VANGL2: variants seen among roughly 807,000 people sequenced by gnomAD.
VANGL2 encodes vang-like protein 2.
VANGL2 carries 14 observed loss-of-function variants against 50.2 expected under a neutral mutation model. That is an observed-to-expected ratio of 0.28 (90% confidence interval 0.18 to 0.44). The LOEUF (loss-of-function observed/expected upper bound fraction) is 0.44. Ranked by LOEUF, VANGL2 falls within the 20% of genes least tolerant of loss-of-function variation. The pLI is 1.00. For synonymous variants in VANGL2, 295 were observed against 297.2 expected, an observed-to-expected ratio of 0.99 and a Z score of 0.08; for missense variants, 533 against 701.5, an observed-to-expected ratio of 0.76 and a Z score of 2.71.
chr1:160,420,545 A>T lies in VANGL2; in HGVS notation c.935A>T (p.Glu312Val). Residue 312 changes from glutamate (E) to valine (V), a missense_variant and splice_region_variant, in exon 5 of 8, where the codon GAG becomes GTG. Physicochemically the swap from Glu to Val is moderately radical, Grantham distance 121. Coordinates refer to ENST00000368061, the MANE Select transcript of VANGL2 (RefSeq NM_020335.3). ...GGCTTCAAGGTGTATTCCCTCGGAG[A>T]GGGTGAGCAGCCCTGCTCCTCTGCC... The part of the protein sequence containing the change: ...VSGFKVYSLG[E>V]ENSTNNSTGQ... 1.2e-6 allele frequency: 2 copies of T among 1,614,038 alleles called. No individual in the cohort carries two copies. Among genetic ancestry groups the T allele is most frequent in the Non-Finnish European group, 1.7e-6 (2 of 1,180,006 alleles).
chr1:160,421,648 A>C (rs1239298652), intron 6 of VANGL2, among the ~76,000 whole-genome samples: 1 of 152,196 alleles, frequency 6.6e-6, no homozygotes, highest in Non-Finnish European at 1.5e-5. Flanking sequence ...TCAGGCCCTA[A>C]AGGACAGTCT....
At position 160,419,339 on chromosome 1, in the gene VANGL2, G is replaced by A. The variant is rs1314974864; in HGVS notation, c.530G>A (p.Arg177His). ...CGCCGGCCCAAGGCCTCGCTGCCCCGCGTCTTTGTGCTGCGTGCCCTGCTT... is the reference window on the plus strand; with the variant it reads ...CGCCGGCCCAAGGCCTCGCTGCCCCACGTCTTTGTGCTGCGTGCCCTGCTT... Reference protein sequence around the residue: ...FFRRPKASLPRVFVLRALLMV... With the variant: ...FFRRPKASLPHVFVLRALLMV... Residue 177 changes from arginine to histidine, a missense_variant, in exon 4 of 8, where the codon CGC becomes CAC. Transcript: ENST00000368061. The surrounding 1 kb of genome is among the most constrained non-coding windows in gnomAD (Gnocchi z 5.8). 3.7e-6 allele frequency: 6 copies of A among 1,610,670 alleles called. No homozygotes were observed. The highest frequency in any genetic ancestry group is 3.4e-6 in the Non-Finnish European group (4 of 1,180,004).
intron 1 of VANGL2, among the ~76,000 whole-genome samples, chr1:160,405,675 G>A (rs375934614): frequency 1.3e-5 from 2 of 152,148 alleles, no homozygotes; most frequent in East Asian, 3.9e-4. Context: ...TGGGAGGCTT[G>A]GGGCCTCCTT....
Position 160,415,817 on chromosome 1 carries a change from A to G in VANGL2, c.-21A>G. On this transcript the variant is annotated 5_prime_UTR_variant, in exon 2 of 8. Transcript: ENST00000368061. ...CCAGCCTGCGGCCCTGGAGCGCTACAAGGCGCGGCGTTCAGACGCCATGGA... is the reference window on the plus strand; with the variant it reads ...CCAGCCTGCGGCCCTGGAGCGCTACGAGGCGCGGCGTTCAGACGCCATGGA... The G allele has an allele frequency of 6.2e-7, 1 of 1,610,016 alleles. No individual in the cohort carries two copies.
chr1:160,408,129 G>A (rs888706128), intron 1 of VANGL2, among the ~76,000 whole-genome samples: 3 of 151,888 alleles, frequency 2.0e-5, no homozygotes, highest in Non-Finnish European at 4.4e-5. Context: ...TTTGTGTGCT[G>A]TGTTGGGGGG....
At chr1:160,404,740 T>C (rs1650594460) in intron 1 of VANGL2, among the ~76,000 whole-genome samples, 1 of 152,204 alleles carries the variant, frequency 6.6e-6, no homozygotes, top group Non-Finnish European at 1.5e-5. Context: ...GTAGCATGTA[T>C]TAGTACTTCA....
At chr1:160,421,319 C>T (rs1444790163) in intron 6 of VANGL2, 132 bp downstream of exon 6, 18 of 1,193,800 alleles carry the variant, frequency 1.5e-5, no homozygotes, top group Non-Finnish European at 1.8e-5. Context: ...GCTTGTTTTC[C>T]GTTGCTGCCC....
rs1045635590 is a variant in VANGL2, at chr1:160,426,910, T to G, written c.*1532T>G. 1 of 152,256 alleles carries G rather than the reference T, an allele frequency of 6.6e-6. No individual in the cohort carries two copies. The highest frequency in any genetic ancestry group is 2.4e-5 in the African/African-American group (1 of 41,434). The allele number at this position is 152,256 out of a possible 1,614,324, so 9.4% of individuals were successfully genotyped here. ...TTGCAGAGCACATCCTGGGATAAGA[T>G]CCCCAGTGTCTCCCCTGGGAGGCTC... On this transcript the variant is annotated 3_prime_UTR_variant, in exon 8 of 8. Transcript: ENST00000368061.
intron 6 of VANGL2, among the ~76,000 whole-genome samples, chr1:160,422,462 CT>C (rs1651307706): frequency 1.3e-5 from 2 of 152,128 alleles, no homozygotes; most frequent in Admixed American, 6.5e-5. Flanking sequence ...AGGGAATTTA[CT>C]GAGAAATGTA....
chr1:160,401,727 G>A (rs1650469758), intron 1 of VANGL2, among the ~76,000 whole-genome samples: 1 of 152,100 alleles, frequency 6.6e-6, no homozygotes, highest in Admixed American at 6.5e-5. Context: ...AGGGGAGGGC[G>A]TGTATGTCTA....
chr1:160,420,868 C>T (rs1001951738), intron 5 of VANGL2, among the ~76,000 whole-genome samples, 184 bp from the exon 6 acceptor site: 1 of 152,214 alleles, frequency 6.6e-6, no homozygotes, highest in African/African-American at 2.4e-5. Flanking sequence ...GCTTCCAGTG[C>T]CTTCCTTGTT....
At chr1:160,402,660 C>G (rs1440435920) in intron 1 of VANGL2, among the ~76,000 whole-genome samples, 1 of 152,016 alleles carries the variant, frequency 6.6e-6, no homozygotes. Context: ...GGCTGAGTGT[C>G]TGTGTGTCGG....
intron 1 of VANGL2, among the ~76,000 whole-genome samples, chr1:160,415,124 TGGGGAGATGGTATCAA>T (rs1470945048): frequency 6.6e-6 from 1 of 152,130 alleles, no homozygotes; most frequent in Non-Finnish European, 1.5e-5. Flanking sequence ...AAGTAAATGC[TGGGGAGATGGTATCAA>T]GGGAAGCAGC....
Position 160,425,600 on chromosome 1 carries a change from T to A in VANGL2, c.*222T>A. On this transcript the variant is annotated 3_prime_UTR_variant, in exon 8 of 8. Coordinates refer to ENST00000368061, the MANE Select transcript of VANGL2 (RefSeq NM_020335.3). Reference sequence around the variant, plus strand: ...GCTGTCAACAGTACCTGGGAAGGACTCCCACCTCACCAACAACTTTTGTAT... The same window carrying A: ...GCTGTCAACAGTACCTGGGAAGGACACCCACCTCACCAACAACTTTTGTAT... 1 of 560,288 alleles carries A rather than the reference T, an allele frequency of 1.8e-6. No individual in the cohort carries two copies. The highest frequency in any genetic ancestry group is 3.1e-6 in the Non-Finnish European group (1 of 317,586). 34.7% of individuals were successfully genotyped at this position (560,288 alleles called of 1,614,324 possible).
At chr1:160,402,002 G>A (rs1441378981) in intron 1 of VANGL2, among the ~76,000 whole-genome samples, 2 of 152,140 alleles carry the variant, frequency 1.3e-5, no homozygotes, top group African/African-American at 2.4e-5. Flanking sequence ...CAAAAATCCC[G>A]AAAAGAAGGC....
intron 1 of VANGL2, among the ~76,000 whole-genome samples, chr1:160,409,635 CAG>C (rs1168205329): frequency 6.6e-6 from 1 of 152,202 alleles, no homozygotes; most frequent in East Asian, 1.9e-4. Flanking sequence ...CTGTGAAACT[CAG>C]GGGAGGTGTG....
chr1:160,405,563 T>C (rs987289759), intron 1 of VANGL2, among the ~76,000 whole-genome samples: 1 of 152,008 alleles, frequency 6.6e-6, no homozygotes, highest in African/African-American at 2.4e-5. Context: ...GGGAACTGGT[T>C]TGAGAGAAGC....
At position 160,428,629 on chromosome 1, in the gene VANGL2, G is replaced by C. The variant is rs540201241; in HGVS notation, c.*3251G>C. 2.0e-5 allele frequency: 3 copies of C among 152,536 alleles called. No individual in the cohort carries two copies. Among genetic ancestry groups the C allele is most frequent in the African/African-American group, 7.2e-5 (3 of 41,486 alleles). 9.4% of individuals were successfully genotyped at this position (152,536 alleles called of 1,614,324 possible). A position where few individuals can be genotyped will look rare whatever the true frequency, so the allele number is the denominator to read the frequency against. On this transcript the variant is annotated 3_prime_UTR_variant, in exon 8 of 8. Coordinates refer to ENST00000368061, the MANE Select transcript of VANGL2 (RefSeq NM_020335.3). Reference sequence around the variant, plus strand: ...TTTCTTAAACATAGGAACTAAAACTGTACAAATTTTTTTTATATAAAATAA... The same window carrying C: ...TTTCTTAAACATAGGAACTAAAACTCTACAAATTTTTTTTATATAAAATAA...
At chr1:160,404,401 T>TA (rs1557903801) in intron 1 of VANGL2, among the ~76,000 whole-genome samples, 1 of 152,094 alleles carries the variant, frequency 6.6e-6, no homozygotes, top group Non-Finnish European at 1.5e-5. Context: ...AGCTGGATTT[T>TA]AAAAAAATTA....
Sources: gnomAD v4.1 joint callset for allele counts (sites outside exome capture counted in the v4.1 genomes callset) on GRCh38, gnomAD v4.1.1 for gene constraint, Gnocchi (gnomAD v3.1) non-coding constraint, MANE v1.5 for transcripts, NCBI Gene and HGNC (gene_info 2026-07-23, HGNC 2026-07-21) for gene names.